Variants in KRI1 observed in about 807,000 individuals in gnomAD.
KRI1 encodes KRI1 homolog.
KRI1 carries 83 observed loss-of-function variants against 97.0 expected under a neutral mutation model. That is an observed-to-expected ratio of 0.86 (90% CI 0.72 to 1.03). The LOEUF is 1.03. KRI1 is among the 50% of genes least tolerant of loss of function. The pLI is 0.00. For missense variants in KRI1, 916 were observed against 928.4 expected (o/e 0.99, Z 0.17); for synonymous variants, 371 against 363.5 (o/e 1.02, Z -0.23).
chr19:10,553,183 A>G lies in KRI1; in HGVS notation c.*768T>C. 7.7e-7 allele frequency: 1 copy of G among 1,303,896 alleles called. No individual in the cohort carries two copies. The highest frequency in any genetic ancestry group is 1.5e-5 in the South Asian group (1 of 67,622). The allele number at this position is 1,303,896 out of a possible 1,614,324, so 80.8% of individuals were successfully genotyped here. ...GGTACTTCCTGTTGTCAGCCCCTCA[A>G]GCCCAGCTGCAACCAGTCTGGGGCC... On this transcript the variant is annotated 3_prime_UTR_variant, in exon 19 of 19. Coordinates refer to ENST00000312962, the MANE Select transcript of KRI1 (RefSeq NM_023008.5).
At chr19:10,555,251 G>GGCTCCGCCCTGCCCCCTA (rs761851198) in intron 17 of KRI1, 34 bp downstream of exon 17, 103 of 1,613,088 alleles carry the variant, frequency 6.4e-5, no homozygotes, top group Non-Finnish European at 8.6e-5. Context: ...CCTGCCCCCT[G>GGCTCCGCCCTGCCCCCTA]CGCATGTGGC....
At chr19:10,562,019 T>G (rs1286324175) in intron 4 of KRI1, among the ~76,000 whole-genome samples, 174 bp from the exon 5 acceptor site, 1 of 151,702 alleles carries the variant, frequency 6.6e-6, no homozygotes, top group Non-Finnish European at 1.5e-5. Flanking sequence ...TCCAGCGTTT[T>G]TTTTTTTTTT....
In KRI1 at chr19:10,561,839, A is replaced by G; in HGVS notation, c.390T>C (p.Tyr130=). The G allele has an allele frequency of 1.9e-6, 3 of 1,613,632 alleles. No homozygotes were observed. The highest frequency in any genetic ancestry group is 2.2e-5 in the South Asian group (2 of 91,062). The change falls in exon 5 of 19, where the codon TAT becomes TAC. Residue 130 remains tyrosine (Y), a synonymous_variant. Coordinates refer to ENST00000312962, the MANE Select transcript of KRI1 (RefSeq NM_023008.5). The part of the protein sequence containing the change: ...RKVILEKAGK[Y]VDEENSDGET... ...CCCCGTCTGAGTTCTCCTCATCAAC[A>G]TATTTGCTGTAAAGGAAAAGTGGGG...
At chr19:10,559,978 G>T (rs1916643527) in intron 9 of KRI1, 42 bp from the exon 10 acceptor site, 2 of 1,599,368 alleles carry the variant, frequency 1.3e-6, no homozygotes, top group East Asian at 2.2e-5. Context: ...CCAGCCAAGT[G>T]AGGTCGAGCC....
At chr19:10,565,815 C>CCCT in intron 1 of KRI1, 25 bp from the exon 2 acceptor site, 6 of 1,551,916 alleles carry the variant, frequency 3.9e-6, no homozygotes, top group Middle Eastern at 1.7e-4. Context: ...CGGGATGCCC[C>CCCT]CCCCCAGGTC....
chr19:10,565,969 G>C lies in KRI1; in HGVS notation c.31C>G (p.Arg11Gly). ...CGCGCGGCAAACGCCGCGTTCACCCGCAGCTGCGACGACCCGCGCGGTTCC... is the reference window on the plus strand; with the variant it reads ...CGCGCGGCAAACGCCGCGTTCACCCCCAGCTGCGACGACCCGCGCGGTTCC... MPEPRGSSQLRVNAAFAARYN... is the reference protein window; with the variant it reads MPEPRGSSQLGVNAAFAARYN... Residue 11 changes from arginine (R) to glycine (G), a missense_variant, in exon 1 of 19, where the codon CGG (arginine) becomes GGG (glycine). Transcript: ENST00000312962. 6.6e-7 allele frequency: 1 copy of C among 1,526,280 alleles called. No homozygotes were observed. Among genetic ancestry groups the C allele is most frequent in the Non-Finnish European group, 8.8e-7 (1 of 1,140,448 alleles). The allele number at this position is 1,526,280 out of a possible 1,614,324, so 94.5% of individuals were successfully genotyped here.
intron 16 of KRI1, among the ~76,000 whole-genome samples, chr19:10,555,661 C>T (rs1447560667): frequency 2.0e-5 from 3 of 152,332 alleles, no homozygotes; most frequent in Non-Finnish European, 2.9e-5. Context: ...AGCCTCAGAA[C>T]GGGCAGGGGT....
rs201116951 is a variant in KRI1 at position 10,555,063 on chromosome 19, G to A, written c.1781+24C>T. On this transcript the variant is annotated intron_variant, in intron 18 of 18. Transcript: ENST00000312962. Reference sequence around the variant, plus strand: ...TGGGCCTGACAGGCTCCCCACCCACGCTTCCCCAGCCAGCACTGCTTACTC... The same window carrying A: ...TGGGCCTGACAGGCTCCCCACCCACACTTCCCCAGCCAGCACTGCTTACTC... The A allele has an allele frequency of 8.1e-6, 13 of 1,596,580 alleles. No homozygotes were observed. In the East Asian group the frequency reaches 2.7e-4, roughly 33 times the overall value.
rs1433900871 is a variant in KRI1 at position 10,560,417 on chromosome 19, T to A, written c.695A>T (p.Glu232Val). ...THLKEYWNDP[E>V]LDEGERFLRD... ...CAGGAACCGCTCCCCTTCATCCAACTCAGGGTCGTTCCAGTATTCCTTGAG... is the reference window on the plus strand; with the variant it reads ...CAGGAACCGCTCCCCTTCATCCAACACAGGGTCGTTCCAGTATTCCTTGAG... The change falls in exon 9 of 19, where the codon GAG becomes GTG. Residue 232 changes from glutamate to valine, a missense_variant. Transcript: ENST00000312962. 6 of 1,613,646 alleles carry A rather than the reference T, an allele frequency of 3.7e-6. No individual in the cohort carries two copies. The East Asian group carries it at 1.3e-4, about 36-fold the overall frequency.
intron 16 of KRI1, 89 bp from the exon 17 acceptor site, chr19:10,555,438 T>A: frequency 1.5e-6 from 2 of 1,356,214 alleles, no homozygotes; most frequent in Non-Finnish European, 2.1e-6. Context: ...GTCAAAACGG[T>A]AATGCCGCTA....
Position 10,554,917 on chromosome 19 carries a change from G to A in KRI1, c.1781+170C>T, listed in dbSNP as rs556567821. On this transcript the variant is annotated intron_variant, in intron 18 of 18. Transcript: ENST00000312962. ...AGAAAGAGGCCCAGAGAGGGGTAGC[G>A]ACTTGCCCAAGGTCACACAACGTTG... Among the ~76,000 whole-genome samples the A allele has an allele frequency of 1.5e-4, 23 of 152,234 alleles. No individual in the cohort carries two copies. The South Asian group carries it at 2.3e-3, about 15-fold the overall frequency.
In KRI1 at chr19:10,557,801, G is replaced by A. The variant is rs1916552922; in HGVS notation, c.1454C>T (p.Ala485Val). The A allele has an allele frequency of 6.2e-7, 1 of 1,613,432 alleles. No homozygotes were observed. Residue 485 changes from alanine (A) to valine (V), a missense_variant, in exon 15 of 19, where the codon GCC becomes GTC. This residue lies in a region of KRI1 where 672 missense variants were observed against 667.2 expected (regional missense o/e 1.01). Transcript: ENST00000312962. ...KKKRKSPFAA[A>V]VGQEKPVFEP... ...AAACACGGGCTTCTCCTGCCCCACG[G>A]CCGCGGCGAAGGGCGACTTGCGCTT...
chr19:10,560,293 G>A lies in KRI1; in HGVS notation c.800+19C>T, dbSNP rs750765537. 6.3e-7 allele frequency: 1 copy of A among 1,591,474 alleles called. No individual in the cohort carries two copies. The highest frequency in any genetic ancestry group is 8.6e-7 in the Non-Finnish European group (1 of 1,169,446). ...AAGCGCACCCAAAATCTAGGTCCTGGGGAGATGCAGTGGCTCACCCCTCCT... is the reference window on the plus strand; with the variant it reads ...AAGCGCACCCAAAATCTAGGTCCTGAGGAGATGCAGTGGCTCACCCCTCCT... On this transcript the variant is annotated intron_variant, in intron 9 of 18. Transcript: ENST00000312962.
intron 3 of KRI1, among the ~76,000 whole-genome samples, chr19:10,563,204 C>A (rs568028634): frequency 1.3e-5 from 2 of 151,940 alleles, no homozygotes; most frequent in African/African-American, 4.8e-5. Context: ...TACAGGTGCC[C>A]ACCACCGCGC....
chr19:10,565,979 C>G lies in KRI1; in HGVS notation c.21G>C (p.Ser7=), dbSNP rs1330815694. 6.6e-7 allele frequency: 1 copy of G among 1,523,642 alleles called. No individual in the cohort carries two copies. Among genetic ancestry groups the G allele is most frequent in the African/African-American group, 1.4e-5 (1 of 70,296 alleles). The allele number at this position is 1,523,642 out of a possible 1,614,324, so 94.4% of individuals were successfully genotyped here. The change falls in exon 1 of 19, where the codon TCG becomes TCC. Residue 7 remains serine (S), a synonymous_variant. Coordinates refer to ENST00000312962, the MANE Select transcript of KRI1 (RefSeq NM_023008.5). The stretch of plus-strand genomic sequence containing the variant: ...ACGCCGCGTTCACCCGCAGCTGCGA[C>G]GACCCGCGCGGTTCCGGCATGGCGG... The part of the protein sequence containing the change: MPEPRG[S]SQLRVNAAFA...
intron 1 of KRI1, 51 bp from the exon 2 acceptor site, chr19:10,565,841 T>G: frequency 6.5e-7 from 1 of 1,535,546 alleles, no homozygotes; most frequent in Non-Finnish European, 8.8e-7. Flanking sequence ...GCGGGGCCAC[T>G]CGACTCCCCA....
In KRI1 at chr19:10,562,721, C is replaced by T. The variant is rs755955455; in HGVS notation, c.383+8G>A. The T allele has an allele frequency of 4.6e-6, 7 of 1,519,922 alleles. No homozygotes were observed. Among genetic ancestry groups the T allele is most frequent in the Non-Finnish European group, 6.4e-6 (7 of 1,094,222 alleles). 94.2% of individuals were successfully genotyped at this position (1,519,922 alleles called of 1,614,324 possible). A position where few individuals can be genotyped will look rare whatever the true frequency, so the allele number is the denominator to read the frequency against. ...ACCAGGGGGTGGGGATGTAGGCCTT[C>T]TCCATACCCTGCCTTCTCCAAGATA... On this transcript the variant is annotated splice_region_variant and intron_variant, in intron 4 of 18. Transcript: ENST00000312962.
chr19:10,562,757 C>T lies in KRI1; in HGVS notation c.355G>A (p.Glu119Lys), dbSNP rs1568424067. 3.7e-6 allele frequency: 6 copies of T among 1,609,408 alleles called. No individual in the cohort carries two copies. The highest frequency in any genetic ancestry group is 3.4e-6 in the Non-Finnish European group (4 of 1,175,686). ...KVRPMYLKDYERKVILEKAGK... is the reference protein window; with the variant it reads ...KVRPMYLKDYKRKVILEKAGK... ...GCCTTCTCCAAGATAACCTTCCTCT[C>T]GTAGTCCTTCAGGTACATGGGCCGC... is the stretch of plus-strand genomic sequence containing the variant. Residue 119 changes from glutamate (E) to lysine (K), a missense_variant, in exon 4 of 19, where the codon GAG becomes AAG. By Grantham distance (56) the Glu-to-Lys change is moderately conservative. Around this residue, in one of 3 missense-constraint regions of KRI1, gnomAD observed 71 missense variants for 108.1 expected, o/e 0.66. Transcript: ENST00000312962.
In KRI1 at chr19:10,559,708, C is replaced by A; in HGVS notation, c.928G>T (p.Val310Phe). The change falls in exon 11 of 19, where the codon GTC (valine) becomes TTC (phenylalanine). Residue 310 changes from valine (V) to phenylalanine (F), a missense_variant and splice_region_variant. Around this residue, in one of 3 missense-constraint regions of KRI1, gnomAD observed 672 missense variants for 667.2 expected, o/e 1.01. Transcript: ENST00000312962. ...GCGATGCTGCGTGGGTAGGTCTTGA[C>A]CTAGGCGCAATCAGAAAAGCCCACA... ...FRFEEPDSASVKTYPRSIASS... is the reference protein window; with the variant it reads ...FRFEEPDSASFKTYPRSIASS... The A allele has an allele frequency of 6.2e-7, 1 of 1,614,092 alleles. No homozygotes were observed. Among genetic ancestry groups the A allele is most frequent in the East Asian group, 2.2e-5 (1 of 44,866 alleles).
Sources: allele counts gnomAD v4.1 joint callset (sites outside exome capture counted in the v4.1 genomes callset), GRCh38; gene constraint gnomAD v4.1.1; regional missense constraint gnomAD v4.1.1; transcripts MANE v1.5; gene names NCBI Gene and HGNC (gene_info 2026-07-23, HGNC 2026-07-21).